The following NRG3 variants were observed in gnomAD, a reference collection of about 807,000 sequenced individuals.
NRG3 encodes neuregulin 3.
Under a neutral mutation model 66.9 loss-of-function variants are expected in NRG3, and 31 were observed. The observed-to-expected ratio is 0.46, with a 90% confidence interval of 0.35 to 0.63. The LOEUF (loss-of-function observed/expected upper bound fraction) is 0.63, where lower values mean the gene tolerates loss of function less well. NRG3 is among the 20% of genes least tolerant of loss of function. The pLI is 0.00. For missense variants in NRG3, 910 were observed against 878.9 expected, an observed-to-expected ratio of 1.04 and a Z score of -0.45; for synonymous variants, 393 against 359.4, an observed-to-expected ratio of 1.09 and a Z score of -1.06.
At chr10:82,300,703 A>G (rs2080348820) in intron 1 of NRG3, among the ~76,000 whole-genome samples, 1 of 152,202 alleles carries the variant, frequency 6.6e-6, no homozygotes, top group Non-Finnish European at 1.5e-5. Context: ...ATCACAAGCT[A>G]ATAAAGAGTT....
intron 2 of NRG3, among the ~76,000 whole-genome samples, chr10:82,570,328 C>G (rs1417315314): frequency 6.6e-6 from 1 of 151,638 alleles, no homozygotes; most frequent in Non-Finnish European, 1.5e-5. Flanking sequence ...ATAATGTTCT[C>G]TCTACAATTT....
At chr10:82,441,297 C>T (rs2090420900) in intron 2 of NRG3, among the ~76,000 whole-genome samples, 1 of 152,150 alleles carries the variant, frequency 6.6e-6, no homozygotes, top group African/African-American at 2.4e-5. Flanking sequence ...CATTAATACA[C>T]ATATAAGGGA....
At chr10:82,644,742 G>A (rs1408041029) in intron 2 of NRG3, among the ~76,000 whole-genome samples, 1 of 152,092 alleles carries the variant, frequency 6.6e-6, no homozygotes, top group East Asian at 1.9e-4. Context: ...ATTGCTTTTA[G>A]TTATTGGCAA....
chr10:82,824,000 A>T (rs1405707132), intron 3 of NRG3, among the ~76,000 whole-genome samples: 1 of 152,136 alleles, frequency 6.6e-6, no homozygotes, highest in African/African-American at 2.4e-5. Context: ...AACAACAGCA[A>T]CAAAAATCCA....
intron 1 of NRG3, among the ~76,000 whole-genome samples, chr10:82,234,185 A>G (rs2076641935): frequency 6.6e-6 from 1 of 152,178 alleles, no homozygotes; most frequent in Admixed American, 6.5e-5. Flanking sequence ...TTTTTCCAAC[A>G]TAATTTTTTT....
intron 2 of NRG3, among the ~76,000 whole-genome samples, chr10:82,558,700 G>A (rs2044816078): frequency 6.6e-6 from 1 of 152,088 alleles, no homozygotes; most frequent in Non-Finnish European, 1.5e-5. Context: ...CTAAAGTATA[G>A]AATAACTGTT....
chr10:82,435,780 T>C (rs1197510286), intron 2 of NRG3, among the ~76,000 whole-genome samples: 1 of 67,630 alleles, frequency 1.5e-5, no homozygotes, highest in African/African-American at 9.5e-5. Flanking sequence ...TTTTCTTTTC[T>C]TTTTTTTTTT....
chr10:82,782,839 T>G (rs1246594151), intron 3 of NRG3, among the ~76,000 whole-genome samples: 1 of 152,068 alleles, frequency 6.6e-6, no homozygotes, highest in African/African-American at 2.4e-5. Context: ...AAAGAGGGAA[T>G]CCTCCGTAAC....
At chr10:82,770,182 A>G (rs537458243) in intron 3 of NRG3, among the ~76,000 whole-genome samples, 185 of 152,284 alleles carry the variant, frequency 1.2e-3, no homozygotes, top group African/African-American at 4.0e-3. Context: ...TAGCAGCATG[A>G]CTATGCATAG....
At chr10:82,770,238 A>C (rs978035883) in intron 3 of NRG3, among the ~76,000 whole-genome samples, 2 of 152,136 alleles carry the variant, frequency 1.3e-5, no homozygotes, top group African/African-American at 4.8e-5. Flanking sequence ...TTACATTTTA[A>C]TGATTATAAT....
chr10:82,180,086 T>G (rs779311576), intron 1 of NRG3, among the ~76,000 whole-genome samples: 23 of 151,968 alleles, frequency 1.5e-4, no homozygotes, highest in Non-Finnish European at 3.2e-4. Flanking sequence ...ATGTTGATTT[T>G]ATATACTACA....
intron 1 of NRG3, among the ~76,000 whole-genome samples, chr10:82,218,285 T>G (rs2133740856): frequency 6.6e-6 from 1 of 152,352 alleles, no homozygotes; most frequent in South Asian, 2.1e-4. Flanking sequence ...CTGATACTAA[T>G]ATTTTCCTAA....
chr10:82,105,881 C>G (rs1434430996), intron 1 of NRG3, among the ~76,000 whole-genome samples: 4 of 152,066 alleles, frequency 2.6e-5, no homozygotes, highest in Non-Finnish European at 5.9e-5. Context: ...GCAGTAAAAT[C>G]CAAGACACAC....
At chr10:82,211,345 G>A (rs1221388739) in intron 1 of NRG3, among the ~76,000 whole-genome samples, 3 of 152,114 alleles carry the variant, frequency 2.0e-5, no homozygotes, top group Non-Finnish European at 2.9e-5. Context: ...TCTTTAAAGA[G>A]TTCTTTAAAG....
chr10:82,170,678 ATATATATATATATATATATG>A (rs1440723069), intron 1 of NRG3, among the ~76,000 whole-genome samples: 3 of 120,748 alleles, frequency 2.5e-5, no homozygotes, highest in African/African-American at 6.6e-5. Flanking sequence ...ATATATATAT[ATATATATATATATATATATG>A]TAAATATATA....
At chr10:82,301,737 A>G (rs1056313865) in intron 1 of NRG3, among the ~76,000 whole-genome samples, 1 of 141,606 alleles carries the variant, frequency 7.1e-6, no homozygotes, top group Non-Finnish European at 1.6e-5. Context: ...TTTAATAAAG[A>G]AGCACTTTAC....
chr10:81,930,380 C>T (rs572452833), intron 1 of NRG3, among the ~76,000 whole-genome samples: 1 of 152,058 alleles, frequency 6.6e-6, no homozygotes, highest in Non-Finnish European at 1.5e-5. Context: ...ATTATACTTA[C>T]AGTTTTATTG....
At chr10:82,662,047 A>T (rs1263438866) in intron 2 of NRG3, among the ~76,000 whole-genome samples, 3 of 152,200 alleles carry the variant, frequency 2.0e-5, no homozygotes, top group South Asian at 2.1e-4. Context: ...GCCAGGAAAG[A>T]GAGCCCAAAG....
At chr10:82,926,654 A>C (rs1172563184) in intron 4 of NRG3, among the ~76,000 whole-genome samples, 2 of 152,212 alleles carry the variant, frequency 1.3e-5, no homozygotes, top group Non-Finnish European at 2.9e-5. Context: ...CTGTGTGTTA[A>C]GCTCATTTGA....
Sources: allele counts gnomAD v4.1 joint callset (sites outside exome capture counted in the v4.1 genomes callset), GRCh38; gene constraint gnomAD v4.1.1; transcripts MANE v1.5; gene names NCBI Gene and HGNC (gene_info 2026-07-23, HGNC 2026-07-21).